ATXN10: variants seen among roughly 807,000 people sequenced by gnomAD.
The protein encoded by ATXN10 is ataxin 10, also known as ataxin-10.
A neutral mutation model predicts 52.9 loss-of-function variants in ATXN10; 28 were observed. The observed-to-expected ratio is 0.53, with a 90% CI of 0.39 to 0.73. ATXN10 has a LOEUF of 0.73. ATXN10 is among the 30% of genes least tolerant of loss of function. The probability of loss-of-function intolerance (pLI) is 0.00; values close to 1 mark genes in which losing one functional copy is unlikely to be tolerated. For missense variants in ATXN10, 565 were observed against 577.0 expected (o/e 0.98, Z 0.21); for synonymous variants, 226 against 221.5 (o/e 1.02, Z -0.18).
rs1928067550 is a variant in ATXN10, at chr22:45,805,420, C to T, written c.1174-1539C>T. Among the ~76,000 whole-genome samples, 1 of 152,154 alleles carries T rather than the reference C, an allele frequency of 6.6e-6. No homozygotes were observed. The highest frequency in any genetic ancestry group is 6.5e-5 in the Admixed American group (1 of 15,280). ...ACATGCACATTCAGAGCAGCATTAT[C>T]ATGATAACCTAGAGGTGGAAATAAC... On this transcript the variant is annotated intron_variant, in intron 9 of 11. Coordinates refer to ENST00000252934, the MANE Select transcript of ATXN10 (RefSeq NM_013236.4). The surrounding 1 kb of genome is among the most constrained non-coding windows in gnomAD (Gnocchi z 4.4).
In ATXN10 at chr22:45,775,602, T is replaced by C. The variant is rs1926924029; in HGVS notation, c.1174-31357T>C. 6.6e-6 allele frequency among the ~76,000 whole-genome samples: 1 copy of C among 152,218 alleles called. No homozygotes were observed. Among genetic ancestry groups the C allele is most frequent in the Non-Finnish European group, 1.5e-5 (1 of 68,048 alleles). The stretch of plus-strand genomic sequence containing the variant: ...ATTAGGTGACTGCCAAACATGGCTT[T>C]CGTCAGTGTTAGCCTGTGTAATGAC... On this transcript the variant is annotated intron_variant, in intron 9 of 11. Coordinates refer to ENST00000252934, the MANE Select transcript of ATXN10 (RefSeq NM_013236.4). The surrounding 1 kb of genome is among the most constrained non-coding windows in gnomAD (Gnocchi z 4.7).
At position 45,681,663 on chromosome 22, in the gene ATXN10, C is replaced by A. The variant is rs1438006993; in HGVS notation, c.117-8049C>A. ...TTGCGACAGTACCCAAATAGCTGAA[C>A]AAGGCTAGAGAAAAACATACAGCCG... is the stretch of plus-strand genomic sequence containing the variant. On this transcript the variant is annotated intron_variant, in intron 1 of 11. Transcript: ENST00000252934. This position sits in a 1 kb window ranked among gnomAD's most constrained non-coding sequence, Gnocchi z 4.2. Among the ~76,000 whole-genome samples, 1 of 152,194 alleles carries A rather than the reference C, an allele frequency of 6.6e-6. No individual in the cohort carries two copies. The highest frequency in any genetic ancestry group is 1.5e-5 in the Non-Finnish European group (1 of 68,038).
intron 1 of ATXN10, among the ~76,000 whole-genome samples, chr22:45,686,031 C>T (rs77742350): frequency 6.6e-6 from 1 of 152,204 alleles, no homozygotes; most frequent in African/African-American, 2.4e-5. Flanking sequence ...ATGATATTCA[C>T]ATCTTAAAAT....
chr22:45,761,719 C>T (rs1926398046), intron 9 of ATXN10, among the ~76,000 whole-genome samples: 1 of 152,156 alleles, frequency 6.6e-6, no homozygotes, highest in Non-Finnish European at 1.5e-5. Flanking sequence ...TTAGCAGTTA[C>T]ATTAAAATCT....
rs1437128372 is a variant in ATXN10 at position 45,790,580 on chromosome 22, C to CT, written c.1174-16378dup. On this transcript the variant is annotated intron_variant, in intron 9 of 11. Coordinates refer to ENST00000252934, the MANE Select transcript of ATXN10 (RefSeq NM_013236.4). The surrounding 1 kb of genome is among the most constrained non-coding windows in gnomAD (Gnocchi z 4.7). ...TGCTTCAGCAGATTTCAGTTAGTCTCTGACAGTTGGGGGGCTACACATTTG... is the reference window on the plus strand; with the variant it reads ...TGCTTCAGCAGATTTCAGTTAGTCTCTTGACAGTTGGGGGGCTACACATTTG... Among the ~76,000 whole-genome samples the CT allele has an allele frequency of 6.6e-6, 1 of 152,212 alleles. No individual in the cohort carries two copies. Among genetic ancestry groups the CT allele is most frequent in the Non-Finnish European group, 1.5e-5 (1 of 68,036 alleles).
intron 10 of ATXN10, among the ~76,000 whole-genome samples, chr22:45,813,154 C>T (rs1928339557): frequency 6.6e-6 from 1 of 152,138 alleles, no homozygotes; most frequent in African/African-American, 2.4e-5. Flanking sequence ...ACACAGTAGC[C>T]AATGCCATCG....
Position 45,841,190 on chromosome 22 carries a change from G to A in ATXN10, c.1238-1801G>A, listed in dbSNP as rs1197330057. Among the ~76,000 whole-genome samples, 1 of 152,336 alleles carries A rather than the reference G, an allele frequency of 6.6e-6. No individual in the cohort carries two copies. ...ATTCTGTCTCCAGAAAGGAAATGCA[G>A]CCATATAAAGGACCTGGACTTTGTC... is the stretch of plus-strand genomic sequence containing the variant. On this transcript the variant is annotated intron_variant, in intron 10 of 11. Transcript: ENST00000252934. The surrounding 1 kb of genome is among the most constrained non-coding windows in gnomAD (Gnocchi z 5.1).
In ATXN10 at chr22:45,718,028, G is replaced by C. The variant is rs547711191; in HGVS notation, c.648-385G>C. ...ATGGAAGTGTGACAAGTCTTTCTCT[G>C]GTTCATTATAGCAGTTAGCTTCTGA... is the stretch of plus-strand genomic sequence containing the variant. On this transcript the variant is annotated intron_variant, in intron 5 of 11. Coordinates refer to ENST00000252934, the MANE Select transcript of ATXN10 (RefSeq NM_013236.4). This position sits in a 1 kb window ranked among gnomAD's most constrained non-coding sequence, Gnocchi z 4.4. Among the ~76,000 whole-genome samples, 48 of 152,154 alleles carry C rather than the reference G, an allele frequency of 3.2e-4. No homozygotes were observed. Among genetic ancestry groups the C allele is most frequent in the African/African-American group, 1.1e-3 (46 of 41,530 alleles).
chr22:45,738,596 G>T, intron 7 of ATXN10, 135 bp from the exon 8 acceptor site: 11 of 726,038 alleles, frequency 1.5e-5, no homozygotes, highest in Non-Finnish European at 2.2e-5. Flanking sequence ...TCATAGTTTT[G>T]TTTTTCTCTT....
chr22:45,820,482 T>C lies in ATXN10; in HGVS notation c.1237+13460T>C, dbSNP rs1928610231. Among the ~76,000 whole-genome samples, 1 of 152,234 alleles carries C rather than the reference T, an allele frequency of 6.6e-6. No homozygotes were observed. Among genetic ancestry groups the C allele is most frequent in the Non-Finnish European group, 1.5e-5 (1 of 68,040 alleles). Reference sequence around the variant, plus strand: ...TGGAGGGAATTCAGAGGTCTGCTTTTCTGCCTGGAGTTGACTGCTTCTTAT... The same window carrying C: ...TGGAGGGAATTCAGAGGTCTGCTTTCCTGCCTGGAGTTGACTGCTTCTTAT... On this transcript the variant is annotated intron_variant, in intron 10 of 11. Transcript: ENST00000252934. This position sits in a 1 kb window ranked among gnomAD's most constrained non-coding sequence, Gnocchi z 4.9.
intron 10 of ATXN10, among the ~76,000 whole-genome samples, chr22:45,808,641 G>C (rs1420211997): frequency 6.6e-6 from 1 of 152,176 alleles, no homozygotes; most frequent in South Asian, 2.1e-4. Context: ...GTATGTTGTA[G>C]ATGATGAAAT....
chr22:45,738,063 G>T (rs1925369549), intron 7 of ATXN10, among the ~76,000 whole-genome samples: 1 of 152,108 alleles, frequency 6.6e-6, no homozygotes, highest in Admixed American at 6.5e-5. Context: ...CTATACAAAA[G>T]TTACATTTAA....
chr22:45,694,281 G>A (rs566253694), intron 3 of ATXN10, among the ~76,000 whole-genome samples: 2 of 151,950 alleles, frequency 1.3e-5, no homozygotes, highest in South Asian at 2.1e-4. Flanking sequence ...AAAAAAAAAC[G>A]TAGATTTTTA....
At chr22:45,711,955 G>A (rs534631644) in intron 5 of ATXN10, among the ~76,000 whole-genome samples, 13 of 152,236 alleles carry the variant, frequency 8.5e-5, no homozygotes, top group African/African-American at 3.1e-4. Context: ...TTGTGTATAC[G>A]TGTATATCTT....
chr22:45,682,259 A>G (rs779291484), intron 1 of ATXN10, among the ~76,000 whole-genome samples: 4 of 151,852 alleles, frequency 2.6e-5, no homozygotes, highest in Non-Finnish European at 5.9e-5. Context: ...TTCTCACTCA[A>G]TCTTGTGGCT....
intron 10 of ATXN10, among the ~76,000 whole-genome samples, chr22:45,809,030 G>A (rs1434773803): frequency 6.6e-6 from 1 of 152,204 alleles, no homozygotes; most frequent in African/African-American, 2.4e-5. Context: ...CATATAAAAT[G>A]TGGTAAGATA....
At chr22:45,836,884 A>G (rs1428690252) in intron 10 of ATXN10, among the ~76,000 whole-genome samples, 2 of 152,186 alleles carry the variant, frequency 1.3e-5, no homozygotes, top group Admixed American at 6.5e-5. Context: ...TTTTTCTAAC[A>G]GGGCAGATAA....
chr22:45,748,431 G>T (rs1433438950), intron 9 of ATXN10, among the ~76,000 whole-genome samples: 1 of 152,168 alleles, frequency 6.6e-6, no homozygotes, highest in Non-Finnish European at 1.5e-5. Context: ...CTTTATGGAG[G>T]AAGTAAAATG....
At position 45,789,477 on chromosome 22, in the gene ATXN10, T is replaced by C. The variant is rs975537766; in HGVS notation, c.1174-17482T>C. ...AAAGCCCCAGAGTCTAATGAAAGAG[T>C]GAGACAAGCAAACAAATAGCTGCTC... On this transcript the variant is annotated intron_variant, in intron 9 of 11. Transcript: ENST00000252934. The surrounding 1 kb of genome is among the most constrained non-coding windows in gnomAD (Gnocchi z 4.0). Among the ~76,000 whole-genome samples the C allele has an allele frequency of 2.0e-5, 3 of 151,824 alleles. No individual in the cohort carries two copies. Among genetic ancestry groups the C allele is most frequent in the Non-Finnish European group, 4.4e-5 (3 of 67,952 alleles).
Sources: gnomAD v4.1 joint callset for allele counts (sites outside exome capture counted in the v4.1 genomes callset) on GRCh38, gnomAD v4.1.1 for gene constraint, Gnocchi (gnomAD v3.1) non-coding constraint, MANE v1.5 for transcripts, NCBI Gene and HGNC (gene_info 2026-07-23, HGNC 2026-07-21) for gene names.